Variants in OCA2 observed in about 807,000 individuals in gnomAD.
OCA2 encodes the protein P protein.
OCA2 carries 77 observed loss-of-function variants against 100.2 expected under a neutral mutation model. The observed-to-expected ratio is 0.77, with a 90% CI of 0.64 to 0.93. OCA2 has a LOEUF of 0.93. Ranked by LOEUF, OCA2 falls within the 40% of genes least tolerant of loss-of-function variation. The probability of loss-of-function intolerance (pLI) is 0.00; values close to 1 mark genes in which losing one functional copy is unlikely to be tolerated. For synonymous variants in OCA2, 432 were observed against 439.2 expected, an observed-to-expected ratio of 0.98 and a Z score of 0.21; for missense variants, 1,062 against 1,089.1, an observed-to-expected ratio of 0.98 and a Z score of 0.35.
At chr15:27,817,760 G>T (rs2034358553) in intron 23 of OCA2, among the ~76,000 whole-genome samples, 1 of 152,150 alleles carries the variant, frequency 6.6e-6, no homozygotes, top group Non-Finnish European at 1.5e-5. Flanking sequence ...TTACTGCACA[G>T]GGGGCATACA....
chr15:28,018,868 C>T (rs1276225692), intron 6 of OCA2, among the ~76,000 whole-genome samples: 1 of 152,198 alleles, frequency 6.6e-6, no homozygotes, highest in Non-Finnish European at 1.5e-5. Flanking sequence ...GGACAGGCCT[C>T]GCCAGGGCCC....
rs1472719427 is a variant in OCA2, at chr15:27,822,714, T to C, written c.2432+22245A>G. ...TCTTCTAGTGAAATGAGAGTGAAAT[T>C]GCTCATTTTTCTATGGGGTGGTCTG... On this transcript the variant is annotated intron_variant, in intron 23 of 23. Transcript: ENST00000354638. Among the ~76,000 whole-genome samples, 4 of 152,304 alleles carry C rather than the reference T, an allele frequency of 2.6e-5. No homozygotes were observed. In the East Asian group the frequency reaches 7.7e-4, roughly 29 times the overall value.
intron 1 of OCA2, among the ~76,000 whole-genome samples, chr15:28,082,219 A>G (rs2044660326): frequency 6.6e-6 from 1 of 152,220 alleles, no homozygotes; most frequent in Non-Finnish European, 1.5e-5. Context: ...CAGTGGACCA[A>G]TCAGCACTCT....
intron 1 of OCA2, among the ~76,000 whole-genome samples, chr15:28,092,123 C>G (rs1468801766): frequency 6.6e-6 from 1 of 152,118 alleles, no homozygotes; most frequent in East Asian, 1.9e-4. Context: ...TCACAAAAGG[C>G]CACATATTGC....
At position 27,945,882 on chromosome 15, in the gene OCA2, C is replaced by T. The variant is rs1022098546; in HGVS notation, c.1951+5902G>A. 2.6e-5 allele frequency among the ~76,000 whole-genome samples: 4 copies of T among 152,300 alleles called. No individual in the cohort carries two copies. In the South Asian group the frequency reaches 6.2e-4, roughly 24 times the overall value. On this transcript the variant is annotated intron_variant, in intron 18 of 23. Transcript: ENST00000354638. The stretch of plus-strand genomic sequence containing the variant: ...ATTTTAAGGCCAAAGATAACATTTT[C>T]AAGCCTGCCTCGCTGATTCTTTTCA...
intron 22 of OCA2, among the ~76,000 whole-genome samples, chr15:27,851,073 T>A (rs2035730086): frequency 6.6e-6 from 1 of 152,318 alleles, no homozygotes; most frequent in South Asian, 2.1e-4. Flanking sequence ...TGGCTTCTGA[T>A]TCAAAATCTG....
rs752317540 is a variant in OCA2, at chr15:27,989,649, A to G, written c.1134T>C (p.His378=). 2.7e-5 allele frequency: 44 copies of G among 1,613,972 alleles called. 1 individual carries two copies. The Admixed American group carries it at 7.3e-4, about 27-fold the overall frequency. ...AVIGDRPSLT[H]VVEWIDFETL... ...TCTCAAAATCAATCCACTCCACCAC[A>G]TGGGTCAGGCTGGGTCTCTGCAATC... Residue 378 remains histidine, a synonymous_variant, in exon 11 of 24, where the codon CAT becomes CAC. Coordinates refer to ENST00000354638, the MANE Select transcript of OCA2 (RefSeq NM_000275.3).
chr15:27,873,333 G>A (rs901269825), intron 19 of OCA2, among the ~76,000 whole-genome samples: 1 of 152,212 alleles, frequency 6.6e-6, no homozygotes, highest in African/African-American at 2.4e-5. Context: ...ACTGTCCTCT[G>A]GGGGAGTAAA....
At chr15:27,861,035 T>G (rs539406814) in intron 21 of OCA2, among the ~76,000 whole-genome samples, 1 of 152,104 alleles carries the variant, frequency 6.6e-6, no homozygotes, top group African/African-American at 2.4e-5. Context: ...AAGGAAGAAT[T>G]TGGAATGTAT....
chr15:28,056,486 T>C (rs1357263092), intron 2 of OCA2, among the ~76,000 whole-genome samples: 1 of 152,224 alleles, frequency 6.6e-6, no homozygotes, highest in African/African-American at 2.4e-5. Flanking sequence ...TGTAGGACCC[T>C]GCACTGGGAA....
At chr15:27,785,220 C>CA (rs569490400) in intron 23 of OCA2, among the ~76,000 whole-genome samples, 1 of 151,430 alleles carries the variant, frequency 6.6e-6, no homozygotes, top group African/African-American at 2.4e-5. Context: ...CTATGCACAG[C>CA]AAAAAAAATA....
chr15:27,806,100 G>C (rs1175019617), intron 23 of OCA2, among the ~76,000 whole-genome samples: 4 of 152,190 alleles, frequency 2.6e-5, no homozygotes, highest in Non-Finnish European at 5.9e-5. Flanking sequence ...GCCAGTGCCT[G>C]GCTAATGGCA....
intron 2 of OCA2, among the ~76,000 whole-genome samples, chr15:28,079,301 T>G (rs200580679): frequency 8.4e-5 from 5 of 59,656 alleles, no homozygotes; most frequent in East Asian, 0.013. Flanking sequence ...AGATTACTGT[T>G]TTTTTTTTTT....
chr15:28,049,435 T>C (rs1313028381), intron 2 of OCA2, among the ~76,000 whole-genome samples: 1 of 152,178 alleles, frequency 6.6e-6, no homozygotes, highest in African/African-American at 2.4e-5. Context: ...AAGTTAAACA[T>C]AGTTACCACA....
intron 22 of OCA2, among the ~76,000 whole-genome samples, chr15:27,847,873 C>T (rs2035594511): frequency 6.6e-6 from 1 of 152,304 alleles, no homozygotes; most frequent in South Asian, 2.1e-4. Context: ...CAGGCAGTCC[C>T]AGGTGGCACA....
At chr15:27,997,174 GGA>G (rs976254610) in intron 9 of OCA2, among the ~76,000 whole-genome samples, 16 of 137,434 alleles carry the variant, frequency 1.2e-4, no homozygotes, top group African/African-American at 4.3e-4. Flanking sequence ...AAGGAAGGAA[GGA>G]GAGAGAAAGA....
At chr15:28,013,940 G>A (rs117801799) in intron 9 of OCA2, among the ~76,000 whole-genome samples, 2,141 of 152,274 alleles carry the variant, frequency 0.014, 32 homozygotes, top group Admixed American at 0.019. Context: ...TGTTAGACAG[G>A]TGAGGGCTCA....
chr15:28,053,430 A>G (rs2043580274), intron 2 of OCA2, among the ~76,000 whole-genome samples: 2 of 152,134 alleles, frequency 1.3e-5, no homozygotes, highest in South Asian at 4.2e-4. Flanking sequence ...CACAGTGACA[A>G]CCCTCTCCCA....
At chr15:27,840,286 T>C (rs1250201335) in intron 23 of OCA2, among the ~76,000 whole-genome samples, 2 of 152,294 alleles carry the variant, frequency 1.3e-5, no homozygotes, top group East Asian at 3.9e-4. Context: ...CAAAGTCTTA[T>C]TTTTTGAAAA....
Sources: gnomAD v4.1 joint callset for allele counts (sites outside exome capture counted in the v4.1 genomes callset) on GRCh38, gnomAD v4.1.1 for gene constraint, MANE v1.5 for transcripts, NCBI Gene and HGNC (gene_info 2026-07-23, HGNC 2026-07-21) for gene names.